Variants in STARD13 observed in about 807,000 individuals in gnomAD.
STARD13 encodes the protein StAR related lipid transfer domain containing 13, also known as stAR-related lipid transfer protein 13.
Under a neutral mutation model 106.4 loss-of-function variants are expected in STARD13, and 62 were observed. The ratio of observed to expected loss-of-function variants is 0.58; its 90% CI spans 0.48 to 0.72. STARD13 has a LOEUF of 0.72. Ranked by LOEUF, STARD13 falls within the 30% of genes least tolerant of loss-of-function variation. The pLI, the probability that STARD13 is intolerant of heterozygous loss-of-function variation, is 0.00. For missense variants in STARD13, 1,387 were observed against 1,424.0 expected (o/e 0.97, Z 0.42); for synonymous variants, 565 against 553.0 (o/e 1.02, Z -0.31).
At chr13:33,154,324 A>G (rs1023541237) in intron 3 of STARD13, among the ~76,000 whole-genome samples, 1 of 152,158 alleles carries the variant, frequency 6.6e-6, no homozygotes, top group African/African-American at 2.4e-5. Flanking sequence ...CAGCAGGAAT[A>G]CTGACCTCTG....
chr13:33,211,278 T>C (rs899172058), intron 1 of STARD13, among the ~76,000 whole-genome samples: 1 of 151,826 alleles, frequency 6.6e-6, no homozygotes, highest in Non-Finnish European at 1.5e-5. Context: ...ATTTTAATGA[T>C]ACCAAATAAT....
At position 33,128,528 on chromosome 13, in the gene STARD13, C is replaced by CA. The variant is rs570983732; in HGVS notation, c.1748+400dup. ...AGGCCTCAGAAATTTCTTATAGGAGCAAAAAAAGTGTAAAATTTGGGGAAG... is the reference window on the plus strand; with the variant it reads ...AGGCCTCAGAAATTTCTTATAGGAGCAAAAAAAAGTGTAAAATTTGGGGAAG... On this transcript the variant is annotated intron_variant, in intron 5 of 13. Transcript: ENST00000336934. Among the ~76,000 whole-genome samples, 7 of 151,986 alleles carry CA rather than the reference C, an allele frequency of 4.6e-5. No individual in the cohort carries two copies. The South Asian group carries it at 1.5e-3, about 32-fold the overall frequency.
intron 1 of STARD13, among the ~76,000 whole-genome samples, chr13:33,184,990 T>C (rs1176354230): frequency 2.0e-5 from 3 of 152,210 alleles, no homozygotes; most frequent in Non-Finnish European, 4.4e-5. Flanking sequence ...AAATCTATGC[T>C]CCAAGAAAAT....
chr13:33,355,226 C>T (rs886104933), upstream of STARD13: 2 of 152,206 alleles, frequency 1.3e-5, no homozygotes, highest in Non-Finnish European at 2.9e-5. Flanking sequence ...ATAAGCAGGA[C>T]TTGCCACCCA....
intron 11 of STARD13, among the ~76,000 whole-genome samples, chr13:33,110,303 C>A (rs1435487130): frequency 1.3e-5 from 2 of 152,136 alleles, no homozygotes; most frequent in Non-Finnish European, 2.9e-5. Context: ...TAATAATCAC[C>A]AACACACCTA....
intron 1 of STARD13, among the ~76,000 whole-genome samples, chr13:33,249,534 G>T (rs1245612035): frequency 5.9e-5 from 9 of 152,036 alleles, no homozygotes; most frequent in Non-Finnish European, 1.3e-4. Context: ...AGGCTTTTTG[G>T]TCATGAATTT....
At chr13:33,167,388 G>C (rs1332708007) in intron 2 of STARD13, among the ~76,000 whole-genome samples, 163 bp downstream of exon 2, 2 of 152,036 alleles carry the variant, frequency 1.3e-5, no homozygotes, top group Admixed American at 6.5e-5. Context: ...TTCTAAATTG[G>C]TATCAGGATA....
At chr13:33,548,944 C>G in the STARD13 span, among the ~76,000 whole-genome samples, 3 of 151,722 alleles carry the variant, frequency 2.0e-5, no homozygotes, top group Non-Finnish European at 4.4e-5. Context: ...AATATCTAAT[C>G]TCGGGATAGA....
the STARD13 span, among the ~76,000 whole-genome samples, chr13:33,392,189 C>T: frequency 6.6e-6 from 1 of 152,104 alleles, no homozygotes; most frequent in African/African-American, 2.4e-5. Context: ...TGCTTCTCCA[C>T]CTTGTTTTTC....
At chr13:33,583,301 C>A in the STARD13 span, among the ~76,000 whole-genome samples, 2 of 152,150 alleles carry the variant, frequency 1.3e-5, no homozygotes, top group African/African-American at 4.8e-5. Context: ...AACCTTTCAA[C>A]CCTGATTAAC....
the STARD13 span, among the ~76,000 whole-genome samples, chr13:33,631,523 G>T: frequency 6.6e-6 from 1 of 152,188 alleles, no homozygotes; most frequent in Non-Finnish European, 1.5e-5. Context: ...AGCATTCCAG[G>T]TCCTAATGCT....
upstream of STARD13, among the ~76,000 whole-genome samples, chr13:33,286,607 T>A (rs1892070824): frequency 6.6e-6 from 1 of 152,150 alleles, no homozygotes; most frequent in African/African-American, 2.4e-5. Context: ...CATATATATG[T>A]CTCAAAAAGG....
chr13:33,108,054 C>T (rs982326431), intron 12 of STARD13, among the ~76,000 whole-genome samples: 9 of 152,160 alleles, frequency 5.9e-5, no homozygotes, highest in South Asian at 2.1e-4. Flanking sequence ...TTTTCATGAA[C>T]GAAGATGTGA....
At chr13:33,349,037 G>C (rs1476279006) in exon 2 of STARD13, 2 of 683,760 alleles carry the variant, frequency 2.9e-6, no homozygotes, top group African/African-American at 1.8e-5. Context: ...TTTAAGGGCA[G>C]AACACCTAGC....
At chr13:33,536,569 G>C in the STARD13 span, among the ~76,000 whole-genome samples, 1 of 152,154 alleles carries the variant, frequency 6.6e-6, no homozygotes, top group African/African-American at 2.4e-5. Flanking sequence ...CATTAGGGAT[G>C]TATATGAGAG....
intron 7 of STARD13, among the ~76,000 whole-genome samples, chr13:33,122,043 A>G (rs1485178358): frequency 6.6e-6 from 1 of 152,124 alleles, no homozygotes; most frequent in African/African-American, 2.4e-5. Flanking sequence ...ACAGGGTTTT[A>G]CCATGTTGGC....
At chr13:33,519,258 T>C in the STARD13 span, among the ~76,000 whole-genome samples, 1 of 149,886 alleles carries the variant, frequency 6.7e-6, no homozygotes, top group African/African-American at 2.5e-5. Flanking sequence ...CTTTCTTTCT[T>C]TCTTTCTTTC....
At chr13:33,434,352 C>CAAAAAAAAAA in the STARD13 span, among the ~76,000 whole-genome samples, 1 of 70,288 alleles carries the variant, frequency 1.4e-5, no homozygotes, top group Non-Finnish European at 2.5e-5. Flanking sequence ...GACTCTGTCT[C>CAAAAAAAAAA]AAAAAAAAAA....
At chr13:33,208,184 C>A (rs1262403673) in intron 1 of STARD13, among the ~76,000 whole-genome samples, 1 of 152,092 alleles carries the variant, frequency 6.6e-6, no homozygotes, top group Non-Finnish European at 1.5e-5. Flanking sequence ...TGCAAGGGTA[C>A]ATGAAATGAA....
Sources: gnomAD v4.1 joint callset for allele counts (sites outside exome capture counted in the v4.1 genomes callset) on GRCh38, gnomAD v4.1.1 for gene constraint, MANE v1.5 for transcripts, NCBI Gene and HGNC (gene_info 2026-07-23, HGNC 2026-07-21) for gene names.